TAX1BP1: variants seen among roughly 807,000 people sequenced by gnomAD.
TAX1BP1 encodes the protein Tax1 binding protein 1.
A neutral mutation model predicts 97.7 loss-of-function variants in TAX1BP1; 62 were observed. That is an observed-to-expected ratio of 0.63 (90% CI 0.52 to 0.78). The LOEUF (loss-of-function observed/expected upper bound fraction) is 0.78. Ranked by LOEUF, TAX1BP1 falls within the 30% of genes least tolerant of loss-of-function variation. The probability of loss-of-function intolerance (pLI) is 0.00; values close to 1 mark genes in which losing one functional copy is unlikely to be tolerated. For missense variants in TAX1BP1, 867 were observed against 916.1 expected (o/e 0.95, Z 0.69); for synonymous variants, 340 against 304.2 (o/e 1.12, Z -1.23).
intron 1 of TAX1BP1, among the ~76,000 whole-genome samples, chr7:27,747,259 G>A (rs977765822): frequency 6.6e-6 from 1 of 151,990 alleles, no homozygotes; most frequent in Non-Finnish European, 1.5e-5. Flanking sequence ...TGCTTTTTTG[G>A]GTAAATCCTC....
At chr7:27,774,360 T>C (rs1355056819) in intron 5 of TAX1BP1, among the ~76,000 whole-genome samples, 1 of 152,156 alleles carries the variant, frequency 6.6e-6, no homozygotes, top group African/African-American at 2.4e-5. Context: ...GAGTTCAGGC[T>C]TCCTCATGGA....
At chr7:27,745,957 C>T (rs1053729690) in intron 1 of TAX1BP1, among the ~76,000 whole-genome samples, 1 of 151,688 alleles carries the variant, frequency 6.6e-6, no homozygotes, top group Non-Finnish European at 1.5e-5. Context: ...TATATGTATA[C>T]CTATGTGCTA....
rs888950807 is a variant in TAX1BP1, at chr7:27,800,379, ATCC to A, written c.1764+294_1764+296del. ...TTTTTAAAGTTGAAAAGTGATCATT[ATCC>A]TCCTGTTCATTTTGAAACAAACATG... On this transcript the variant is annotated intron_variant, in intron 13 of 16. Coordinates refer to ENST00000396319, the MANE Select transcript of TAX1BP1 (RefSeq NM_006024.7). Among the ~76,000 whole-genome samples the A allele has an allele frequency of 3.3e-5, 5 of 152,142 alleles. 1 individual carries two copies. The highest frequency in any genetic ancestry group is 4.8e-5 in the African/African-American group (2 of 41,440).
At chr7:27,758,992 GA>G (rs74313058) in intron 3 of TAX1BP1, among the ~76,000 whole-genome samples, 24 of 150,144 alleles carry the variant, frequency 1.6e-4, no homozygotes, top group African/African-American at 1.2e-4. Context: ...TTAAAAACTT[GA>G]AAAAAAAATA....
chr7:27,814,989 G>C (rs888266970), intron 13 of TAX1BP1, among the ~76,000 whole-genome samples: 3 of 152,080 alleles, frequency 2.0e-5, no homozygotes, highest in Non-Finnish European at 2.9e-5. Flanking sequence ...CATCCGCCTC[G>C]GGCTCCCAAA....
At chr7:27,825,588 G>A (rs1046185946) in intron 15 of TAX1BP1, among the ~76,000 whole-genome samples, 4 of 152,164 alleles carry the variant, frequency 2.6e-5, no homozygotes, top group African/African-American at 9.6e-5. Context: ...GGTGGTAGAA[G>A]ATAACAGAAT....
chr7:27,774,779 G>T (rs1006235583), intron 5 of TAX1BP1, among the ~76,000 whole-genome samples: 7 of 151,962 alleles, frequency 4.6e-5, no homozygotes, highest in African/African-American at 1.7e-4. Context: ...GCACTATTTT[G>T]TACTTTATCA....
At chr7:27,788,851 A>G (rs762016257) in intron 8 of TAX1BP1, among the ~76,000 whole-genome samples, 40 of 152,012 alleles carry the variant, frequency 2.6e-4, no homozygotes, top group Non-Finnish European at 4.6e-4. Flanking sequence ...TGGTATTTTG[A>G]AACCAAGAAC....
In TAX1BP1 at chr7:27,793,089, C is replaced by T. The variant is rs114874327; in HGVS notation, c.1287C>T (p.His429=). ...AGGACAAGACTGATACACTGGAACA[C>T]GAACTAAGAAGAGAAGTTGAAGATC... ...KDQDKTDTLE[H]ELRREVEDLK... The change falls in exon 10 of 17, where the codon CAC becomes CAT. Residue 429 remains histidine (H), a synonymous_variant. Coordinates refer to ENST00000396319, the MANE Select transcript of TAX1BP1 (RefSeq NM_006024.7). The T allele has an allele frequency of 1.6e-3, 2,486 of 1,599,892 alleles. 12 individuals carry two copies. The highest frequency in any genetic ancestry group is 0.014 in the African/African-American group (1,031 of 73,732).
chr7:27,748,749 T>C, intron 2 of TAX1BP1, 63 bp downstream of exon 2: 2 of 1,295,476 alleles, frequency 1.5e-6, no homozygotes, highest in Non-Finnish European at 2.0e-6. Flanking sequence ...TAAAACAGAT[T>C]GATAAGTAGC....
chr7:27,820,575 AT>A (rs1160124829), intron 15 of TAX1BP1, among the ~76,000 whole-genome samples: 1 of 152,130 alleles, frequency 6.6e-6, no homozygotes, highest in East Asian at 1.9e-4. Flanking sequence ...CAGTCAATTC[AT>A]TTTTATCAAG....
intron 15 of TAX1BP1, 132 bp downstream of exon 15, chr7:27,817,170 T>A: frequency 9.2e-7 from 1 of 1,091,524 alleles, no homozygotes. Flanking sequence ...TGTGTGCTTG[T>A]GCCTGCACAC....
At chr7:27,786,389 G>A (rs1461296479) in intron 7 of TAX1BP1, among the ~76,000 whole-genome samples, 1 of 152,106 alleles carries the variant, frequency 6.6e-6, no homozygotes, top group African/African-American at 2.4e-5. Context: ...CCAAAGTGCT[G>A]GGATTACAGG....
intron 3 of TAX1BP1, chr7:27,758,403 T>G (rs1425675206): frequency 4.1e-6 from 1 of 243,410 alleles, no homozygotes; most frequent in Non-Finnish European, 7.9e-6. Context: ...GAGATTTTTT[T>G]TTTTCAAGTG....
intron 5 of TAX1BP1, 82 bp from the exon 6 acceptor site, chr7:27,785,081 A>G (rs113848301): frequency 7.3e-6 from 10 of 1,362,814 alleles, no homozygotes; most frequent in African/African-American, 5.9e-5. Context: ...CTAAGAATAC[A>G]TAGTTTTCTT....
At chr7:27,801,529 C>T (rs902264557) in intron 13 of TAX1BP1, among the ~76,000 whole-genome samples, 2 of 151,984 alleles carry the variant, frequency 1.3e-5, no homozygotes, top group Non-Finnish European at 2.9e-5. Context: ...TAGTAAATGT[C>T]TATTGAAGCC....
chr7:27,764,722 A>G (rs1442354652), intron 3 of TAX1BP1, among the ~76,000 whole-genome samples: 1 of 152,098 alleles, frequency 6.6e-6, no homozygotes, highest in Non-Finnish European at 1.5e-5. Context: ...GTGTTTGCCT[A>G]ATGAAGTTCA....
intron 5 of TAX1BP1, among the ~76,000 whole-genome samples, chr7:27,773,592 T>TTTTCAAGG (rs1788925469): frequency 6.6e-6 from 1 of 152,096 alleles, no homozygotes; most frequent in East Asian, 1.9e-4. Context: ...TAGCATAATG[T>TTTTCAAGG]TTTCAAGGTT....
chr7:27,746,614 C>T (rs921515964), intron 1 of TAX1BP1, among the ~76,000 whole-genome samples: 1 of 151,990 alleles, frequency 6.6e-6, no homozygotes, highest in Non-Finnish European at 1.5e-5. Context: ...CTTTAGGTTA[C>T]CAGGTAGAGA....
Sources: gnomAD v4.1 joint callset for allele counts (sites outside exome capture counted in the v4.1 genomes callset) on GRCh38, gnomAD v4.1.1 for gene constraint, MANE v1.5 for transcripts, NCBI Gene and HGNC (gene_info 2026-07-23, HGNC 2026-07-21) for gene names.